SYNE1: variants seen among roughly 807,000 people sequenced by gnomAD.
SYNE1 encodes spectrin repeat containing nuclear envelope protein 1.
SYNE1 carries 616 observed loss-of-function variants against 1,111.0 expected under a neutral mutation model. The observed-to-expected ratio is 0.55, with a 90% CI of 0.52 to 0.59. The LOEUF (loss-of-function observed/expected upper bound fraction) is 0.59, where lower values mean the gene tolerates loss of function less well. Ranked by LOEUF, SYNE1 falls within the 20% of genes least tolerant of loss-of-function variation. The pLI is 0.00. For synonymous variants in SYNE1, 3,855 were observed against 3,825.8 expected (o/e 1.01, Z -0.28); for missense variants, 10,006 against 10,417.0 (o/e 0.96, Z 1.72).
At chr6:152,436,641 A>C (rs2098476803) in intron 32 of SYNE1, among the ~76,000 whole-genome samples, 1 of 152,094 alleles carries the variant, frequency 6.6e-6, no homozygotes, top group African/African-American at 2.4e-5. Context: ...ATTTGCCTTC[A>C]TAGTTTTCCA....
chr6:152,171,987 A>T (rs2065331033), intron 130 of SYNE1, among the ~76,000 whole-genome samples: 1 of 152,242 alleles, frequency 6.6e-6, no homozygotes. Context: ...CAATCATTTT[A>T]AAAAATTACT....
At chr6:152,496,241 T>A (rs986423092) in intron 11 of SYNE1, among the ~76,000 whole-genome samples, 1 of 152,108 alleles carries the variant, frequency 6.6e-6, no homozygotes, top group African/African-American at 2.4e-5. Context: ...GGAATAGGCC[T>A]CGACTTACTG....
intron 72 of SYNE1, among the ~76,000 whole-genome samples, chr6:152,349,807 A>AATAAGTCTC (rs1408773375): frequency 2.0e-5 from 3 of 152,142 alleles, no homozygotes; most frequent in African/African-American, 7.2e-5. Flanking sequence ...CATGATAGCA[A>AATAAGTCTC]ATAAGTCTCA....
intron 137 of SYNE1, chr6:152,145,723 A>G: frequency 3.0e-6 from 2 of 666,750 alleles, no homozygotes; most frequent in Non-Finnish European, 5.4e-6. Flanking sequence ...TCCTGAAATG[A>G]ATCATAAGAA....
At chr6:152,206,134 GT>G in intron 126 of SYNE1, 33 bp downstream of exon 126, 1 of 1,605,936 alleles carries the variant, frequency 6.2e-7, no homozygotes, top group Middle Eastern at 2.1e-4. Context: ...GACTAAAAGG[GT>G]TTTTTGGTTC....
intron 127 of SYNE1, among the ~76,000 whole-genome samples, chr6:152,192,855 C>T (rs569373834): frequency 6.6e-6 from 1 of 151,976 alleles, no homozygotes; most frequent in African/African-American, 2.4e-5. Flanking sequence ...TGTCTTGAAA[C>T]CTATTTTGTC....
In SYNE1 at chr6:152,308,530, T is replaced by C. The variant is rs758777458; in HGVS notation, c.17305A>G (p.Ser5769Gly). 2.2e-5 allele frequency: 35 copies of C among 1,614,174 alleles called. No individual in the cohort carries two copies. Among genetic ancestry groups the C allele is most frequent in the Non-Finnish European group, 3.0e-5 (35 of 1,180,032 alleles). Residue 5769 changes from serine to glycine, a missense_variant, in exon 91 of 146, where the codon AGT becomes GGT. This residue lies in a region of SYNE1 where 4,955 missense variants were observed against 5,017.2 expected (regional missense o/e 0.99). Coordinates refer to ENST00000367255, the MANE Select transcript of SYNE1 (RefSeq NM_182961.4). ...TGAGCCTGCAGCTCCTGTATGTTAC[T>C]GGTGGCAACAGGTTTATCCTCAATC... is the stretch of plus-strand genomic sequence containing the variant. ...REIEDKPVATSNIQELQAQIS... is the reference protein window; with the variant it reads ...REIEDKPVATGNIQELQAQIS...
intron 15 of SYNE1, 113 bp downstream of exon 15, chr6:152,472,188 C>A: frequency 1.1e-6 from 1 of 873,706 alleles, no homozygotes; most frequent in Non-Finnish European, 1.8e-6. Context: ...TTTCTATTTA[C>A]CAAAGGTAGG....
intron 100 of SYNE1, among the ~76,000 whole-genome samples, chr6:152,264,936 G>A (rs1026620659): frequency 1.1e-4 from 16 of 152,082 alleles, no homozygotes; most frequent in Non-Finnish European, 5.9e-5. Flanking sequence ...AGGGCTGGGC[G>A]TGGTGGCTCA....
rs2097138944 is a variant in SYNE1 at position 152,369,375 on chromosome 6, AG to A, written c.9651+95del. ...AACACACTATGTCTCACGGCAGCAC[AG>A]TCTAACTCAAGGGTGCTGAGCATGC... On this transcript the variant is annotated intron_variant, in intron 60 of 145. Transcript: ENST00000367255. The A allele has an allele frequency of 5.3e-5, 83 of 1,564,210 alleles. No individual in the cohort carries two copies. In the South Asian group the frequency reaches 8.6e-4, roughly 16 times the overall value.
chr6:152,549,704 AGAT>A (rs1475492931), intron 3 of SYNE1, among the ~76,000 whole-genome samples: 2 of 152,194 alleles, frequency 1.3e-5, no homozygotes, highest in Non-Finnish European at 2.9e-5. Flanking sequence ...TTGAGGGAAA[AGAT>A]GAGTTAAGAG....
intron 145 of SYNE1, 84 bp downstream of exon 145, chr6:152,130,636 G>C: frequency 3.5e-6 from 5 of 1,427,922 alleles, no homozygotes; most frequent in Non-Finnish European, 3.9e-6. Flanking sequence ...AGGCAGACCA[G>C]ATATAGGTCA....
intron 66 of SYNE1, among the ~76,000 whole-genome samples, chr6:152,357,814 T>C (rs368628572): frequency 2.6e-5 from 4 of 152,316 alleles, no homozygotes; most frequent in African/African-American, 9.6e-5. Context: ...AGTATATAGA[T>C]TGTGACCACT....
intron 90 of SYNE1, 71 bp downstream of exon 90, chr6:152,309,764 A>G: frequency 1.9e-6 from 3 of 1,592,846 alleles, no homozygotes; most frequent in Non-Finnish European, 1.7e-6. Flanking sequence ...GGCTGAGCCC[A>G]CACAATGCTA....
At position 152,240,545 on chromosome 6, in the gene SYNE1, G is replaced by A. The variant is rs537688460; in HGVS notation, c.19894-839C>T. ...CCGTTTGTGTATAATAGACCCTGGA[G>A]AATGGAGATTGAGCTTATCTCATTT... On this transcript the variant is annotated intron_variant, in intron 107 of 145. Transcript: ENST00000367255. 1.1e-4 allele frequency among the ~76,000 whole-genome samples: 17 copies of A among 152,314 alleles called. 1 individual carries two copies. The South Asian group carries it at 3.5e-3, about 32-fold the overall frequency.
intron 102 of SYNE1, 95 bp downstream of exon 102, chr6:152,256,539 G>T: frequency 2.6e-6 from 4 of 1,542,320 alleles, no homozygotes; most frequent in Non-Finnish European, 3.5e-6. Context: ...ATGCTCAGGG[G>T]TGGATGCAAC....
chr6:152,563,457 CA>C (rs2099401611), intron 3 of SYNE1, among the ~76,000 whole-genome samples: 1 of 152,086 alleles, frequency 6.6e-6, no homozygotes, highest in Admixed American at 6.5e-5. Context: ...AAAAAAGAGA[CA>C]TTTTTCATTC....
rs1249539686 is a variant in SYNE1, at chr6:152,319,028, G to C, written c.16237-13C>G. 1 of 1,613,780 alleles carries C rather than the reference G, an allele frequency of 6.2e-7. No homozygotes were observed. ...TTTTGTCTTGGATCTAAAAAAATCAGTAAGAACAGCAAAACAAGCCATGGT... is the reference window on the plus strand; with the variant it reads ...TTTTGTCTTGGATCTAAAAAAATCACTAAGAACAGCAAAACAAGCCATGGT... On this transcript the variant is annotated splice_polypyrimidine_tract_variant and intron_variant, in intron 84 of 145. Transcript: ENST00000367255.
At position 152,318,956 on chromosome 6, in the gene SYNE1, C is replaced by T. The variant is rs144376043; in HGVS notation, c.16296G>A (p.Arg5432=). The change falls in exon 85 of 146, where the codon CGG becomes CGA. Residue 5432 remains arginine (R), a synonymous_variant. Transcript: ENST00000367255. ...QSKATSQELS[R]QIQKLAKDLT... ...GGTCTTTAGCTAACTTCTGAATTTGCCGGCTGAGTTCCTGGCTCGTGGCCT... is the reference window on the plus strand; with the variant it reads ...GGTCTTTAGCTAACTTCTGAATTTGTCGGCTGAGTTCCTGGCTCGTGGCCT... 2.8e-4 allele frequency: 458 copies of T among 1,614,148 alleles called. 1 individual carries two copies. The highest frequency in any genetic ancestry group is 6.7e-4 in the Admixed American group (40 of 60,006).
Sources: gnomAD v4.1 joint callset for allele counts (sites outside exome capture counted in the v4.1 genomes callset) on GRCh38, gnomAD v4.1.1 for gene constraint, gnomAD v4.1.1 regional missense constraint, MANE v1.5 for transcripts, NCBI Gene and HGNC (gene_info 2026-07-23, HGNC 2026-07-21) for gene names.